The following PPIL6 variants were observed in gnomAD, a reference collection of about 807,000 sequenced individuals.
The protein encoded by PPIL6 is peptidylprolyl isomerase like 6, also known as probable inactive peptidyl-prolyl cis-trans isomerase-like 6.
In PPIL6, 39 loss-of-function variants were observed where a neutral mutation model predicts 36.8. The observed-to-expected ratio is 1.06, with a 90% CI of 0.82 to 1.38. The LOEUF (loss-of-function observed/expected upper bound fraction) is 1.38, where lower values mean the gene tolerates loss of function less well. Ranked by LOEUF, PPIL6 falls within the 40% of genes most tolerant of loss-of-function variation. PPIL6 has a pLI of 0.00. For synonymous variants in PPIL6, 123 were observed against 134.1 expected (o/e 0.92, Z 0.57); for missense variants, 368 against 379.1 (o/e 0.97, Z 0.24).
At chr6:109,427,274 C>T (rs954048018) in intron 3 of PPIL6, 118 bp from the exon 4 acceptor site, 7 of 614,820 alleles carry the variant, frequency 1.1e-5, no homozygotes, top group African/African-American at 9.3e-5. Flanking sequence ...AATAACATTA[C>T]CAATGGATAA....
chr6:109,436,071 G>T, intron 2 of PPIL6, 33 bp downstream of exon 2: 2 of 1,174,458 alleles, frequency 1.7e-6, no homozygotes, highest in Non-Finnish European at 1.3e-6. Flanking sequence ...TTGGCTTGTT[G>T]TCTATATCCC....
chr6:109,402,498 T>C (rs1772599629), intron 6 of PPIL6, among the ~76,000 whole-genome samples: 1 of 149,708 alleles, frequency 6.7e-6, no homozygotes, highest in Admixed American at 6.7e-5. Flanking sequence ...ATTGCGCCAA[T>C]GCACTCCAGC....
At chr6:109,396,180 G>GGACT (rs1435755650) in intron 7 of PPIL6, among the ~76,000 whole-genome samples, 1 of 152,148 alleles carries the variant, frequency 6.6e-6, no homozygotes, top group Non-Finnish European at 1.5e-5. Flanking sequence ...CTTTAGAGCA[G>GGACT]GACTTCATTT....
chr6:109,413,198 T>C lies in PPIL6; in HGVS notation c.688+5989A>G, dbSNP rs1239692123. Among the ~76,000 whole-genome samples, 5 of 151,814 alleles carry C rather than the reference T, an allele frequency of 3.3e-5. No homozygotes were observed. The highest frequency in any genetic ancestry group is 1.5e-5 in the Non-Finnish European group (1 of 67,932). On this transcript the variant is annotated intron_variant, in intron 6 of 7. Transcript: ENST00000521072. This position sits in a 1 kb window ranked among gnomAD's most constrained non-coding sequence, Gnocchi z 4.6. Reference sequence around the variant, plus strand: ...ACAAACAAAAACCCACAGAAAATATTTGCAAACTACCCATCTGACGAGGGA... The same window carrying C: ...ACAAACAAAAACCCACAGAAAATATCTGCAAACTACCCATCTGACGAGGGA...
chr6:109,427,369 T>A (rs545485201), intron 3 of PPIL6, among the ~76,000 whole-genome samples: 43 of 152,224 alleles, frequency 2.8e-4, no homozygotes, highest in Non-Finnish European at 4.0e-4. Flanking sequence ...CATTTTAATT[T>A]TTATTATTGT....
At chr6:109,402,812 T>TA (rs1772616258) in intron 6 of PPIL6, among the ~76,000 whole-genome samples, 1 of 151,916 alleles carries the variant, frequency 6.6e-6, no homozygotes, top group African/African-American at 2.4e-5. Flanking sequence ...AGCCAGGCAG[T>TA]AATGCCAGGG....
At chr6:109,409,845 A>C (rs1772946477) in intron 6 of PPIL6, among the ~76,000 whole-genome samples, 1 of 152,262 alleles carries the variant, frequency 6.6e-6, no homozygotes, top group African/African-American at 2.4e-5. Flanking sequence ...ACTATACAAC[A>C]CTGATGAAAG....
chr6:109,437,722 T>C (rs1774532812), intron 1 of PPIL6, among the ~76,000 whole-genome samples: 1 of 151,944 alleles, frequency 6.6e-6, no homozygotes, highest in Non-Finnish European at 1.5e-5. Flanking sequence ...GCCCAGCTAA[T>C]TTTTGCATTT....
intron 6 of PPIL6, among the ~76,000 whole-genome samples, chr6:109,405,915 G>C (rs1409688672): frequency 2.6e-5 from 4 of 152,144 alleles, no homozygotes; most frequent in African/African-American, 7.2e-5. Flanking sequence ...AAACTGTATT[G>C]CTGGGTTTTT....
chr6:109,409,945 A>G (rs139958928), intron 6 of PPIL6, among the ~76,000 whole-genome samples: 4 of 152,302 alleles, frequency 2.6e-5, no homozygotes, highest in African/African-American at 9.6e-5. Flanking sequence ...ATACTATCCA[A>G]AGCAATCTAG....
intron 6 of PPIL6, among the ~76,000 whole-genome samples, chr6:109,407,187 T>TAC (rs1303071421): frequency 1.3e-5 from 2 of 152,294 alleles, no homozygotes; most frequent in East Asian, 3.9e-4. Flanking sequence ...GCTATATATA[T>TAC]ACACATTTGA....
In PPIL6 at chr6:109,433,785, G is replaced by C. The variant is rs553468356; in HGVS notation, c.231+2319C>G. On this transcript the variant is annotated intron_variant, in intron 2 of 7. Transcript: ENST00000521072. ...TACCTGAGAAGGAAGAAAAGGTTAA[G>C]GTAACAAACAGCCAGAGGAGAAGGG... Among the ~76,000 whole-genome samples, 12 of 152,232 alleles carry C rather than the reference G, an allele frequency of 7.9e-5. No homozygotes were observed. In the South Asian group the frequency reaches 2.5e-3, roughly 32 times the overall value.
chr6:109,430,305 C>T (rs1350311013), intron 3 of PPIL6, among the ~76,000 whole-genome samples: 2 of 152,250 alleles, frequency 1.3e-5, no homozygotes, highest in African/African-American at 4.8e-5. Context: ...TCCACCCCTA[C>T]TGCCATCACA....
chr6:109,392,927 C>T lies in PPIL6; in HGVS notation c.835G>A (p.Glu279Lys), dbSNP rs148088638. 31 of 1,600,848 alleles carry T rather than the reference C, an allele frequency of 1.9e-5. No individual in the cohort carries two copies. In the African/African-American group the frequency reaches 3.8e-4, roughly 19 times the overall value. The change falls in exon 8 of 8, where the codon GAA (glutamate) becomes AAA (lysine). Residue 279 changes from glutamate to lysine, a missense_variant. Glu to Lys is a moderately conservative substitution (Grantham distance 56). Coordinates refer to ENST00000521072, the MANE Select transcript of PPIL6 (RefSeq NM_173672.5). ...AGTTGTTTAAGCACTTCTGTTCCTT[C>T]AATCAGTTGCCTACATAGGAGAAAA... is the stretch of plus-strand genomic sequence containing the variant. ...RKFVAFGQLI[E>K]GTEVLKQLEL...
chr6:109,405,520 G>GCTCTGTC (rs988996499), intron 6 of PPIL6, among the ~76,000 whole-genome samples: 7 of 152,134 alleles, frequency 4.6e-5, no homozygotes, highest in Non-Finnish European at 1.0e-4. Context: ...CCAGCATGTT[G>GCTCTGTC]CTCTGTCCTC....
intron 7 of PPIL6, among the ~76,000 whole-genome samples, chr6:109,395,102 G>A (rs1291553575): frequency 3.3e-5 from 5 of 152,024 alleles, no homozygotes; most frequent in South Asian, 2.1e-4. Flanking sequence ...GCTACATATC[G>A]CTATTTAAAC....
At chr6:109,437,421 T>C (rs986935901) in intron 1 of PPIL6, among the ~76,000 whole-genome samples, 1 of 152,156 alleles carries the variant, frequency 6.6e-6, no homozygotes, top group Non-Finnish European at 1.5e-5. Context: ...GGAATACTCA[T>C]GAAGAGGGCA....
chr6:109,421,711 C>T (rs2115251084), intron 5 of PPIL6, among the ~76,000 whole-genome samples: 1 of 152,254 alleles, frequency 6.6e-6, no homozygotes, highest in East Asian at 1.9e-4. Context: ...TATTTGATAA[C>T]ATAAAACAAC....
chr6:109,434,099 T>TA (rs1378979010), intron 2 of PPIL6, among the ~76,000 whole-genome samples: 3 of 151,622 alleles, frequency 2.0e-5, no homozygotes, highest in Non-Finnish European at 4.4e-5. Context: ...ACAAGTTTGA[T>TA]AAAAAAGAAA....
Sources: gnomAD v4.1 joint callset for allele counts (sites outside exome capture counted in the v4.1 genomes callset) on GRCh38, gnomAD v4.1.1 for gene constraint, Gnocchi (gnomAD v3.1) non-coding constraint, MANE v1.5 for transcripts, NCBI Gene and HGNC (gene_info 2026-07-23, HGNC 2026-07-21) for gene names.